Variants in PCDH9 observed in about 807,000 individuals in gnomAD.
PCDH9 encodes protocadherin 9.
In PCDH9, 24 loss-of-function variants were observed where a neutral mutation model predicts 70.6. The observed-to-expected ratio is 0.34, with a 90% CI of 0.25 to 0.48. The LOEUF (loss-of-function observed/expected upper bound fraction) is 0.48, where lower values mean the gene tolerates loss of function less well. Among genes scored for constraint, PCDH9 ranks in the 20% least tolerant of loss-of-function variants. PCDH9 has a pLI of 0.99. For synonymous variants in PCDH9, 562 were observed against 558.5 expected, an observed-to-expected ratio of 1.01 and a Z score of -0.09; for missense variants, 1,281 against 1,503.6, an observed-to-expected ratio of 0.85 and a Z score of 2.45.
intron 4 of PCDH9, among the ~76,000 whole-genome samples, chr13:66,415,751 AT>A (rs66759956): frequency 1.1e-4 from 16 of 152,296 alleles, no homozygotes; most frequent in Admixed American, 3.9e-4. Flanking sequence ...AGAGAAAAAA[AT>A]CATAGGAAAA....
intron 2 of PCDH9, among the ~76,000 whole-genome samples, chr13:67,083,164 G>A (rs1308628644): frequency 1.3e-5 from 2 of 152,004 alleles, no homozygotes; most frequent in Admixed American, 1.3e-4. Flanking sequence ...GATATATTCT[G>A]CATCTCATTC....
At chr13:66,446,659 T>C (rs1958096257) in intron 4 of PCDH9, among the ~76,000 whole-genome samples, 2 of 152,022 alleles carry the variant, frequency 1.3e-5, no homozygotes, top group African/African-American at 2.4e-5. Context: ...TGGGCAATGA[T>C]TGGAGATGAA....
At chr13:66,935,607 A>G (rs1483115928) in intron 2 of PCDH9, among the ~76,000 whole-genome samples, 2 of 152,212 alleles carry the variant, frequency 1.3e-5, no homozygotes, top group African/African-American at 4.8e-5. Context: ...ATTACATAAT[A>G]GTTGTTCAAG....
chr13:66,587,874 A>C (rs1277393908), intron 4 of PCDH9, among the ~76,000 whole-genome samples: 1 of 152,068 alleles, frequency 6.6e-6, no homozygotes, highest in Non-Finnish European at 1.5e-5. Flanking sequence ...TATTGCCCAA[A>C]GAATCAAGAA....
intron 2 of PCDH9, among the ~76,000 whole-genome samples, chr13:66,945,675 T>G (rs1185943009): frequency 6.6e-6 from 1 of 152,180 alleles, no homozygotes; most frequent in Non-Finnish European, 1.5e-5. Flanking sequence ...ATTGTTGTAT[T>G]TGGACTCTTG....
chr13:66,961,721 A>G (rs1299709153), intron 2 of PCDH9, among the ~76,000 whole-genome samples: 1 of 152,228 alleles, frequency 6.6e-6, no homozygotes, highest in African/African-American at 2.4e-5. Context: ...ATTAAGAAAA[A>G]TCACATTAAT....
chr13:66,922,489 A>C (rs937397950), intron 2 of PCDH9, among the ~76,000 whole-genome samples: 3 of 151,394 alleles, frequency 2.0e-5, no homozygotes, highest in Admixed American at 1.3e-4. Context: ...TTTAATTTTC[A>C]CGATTCTACA....
chr13:67,209,831 G>A (rs1181628044), intron 2 of PCDH9: 1 of 151,972 alleles, frequency 6.6e-6, no homozygotes, highest in Non-Finnish European at 1.5e-5. Flanking sequence ...CTAATTTGCA[G>A]TTTGGTTTTT....
At chr13:66,423,657 A>G (rs1382868723) in intron 4 of PCDH9, among the ~76,000 whole-genome samples, 1 of 152,150 alleles carries the variant, frequency 6.6e-6, no homozygotes, top group African/African-American at 2.4e-5. Context: ...TCAATAAACT[A>G]GGTATTGAGG....
At chr13:66,559,835 C>T (rs9571598) in intron 4 of PCDH9, among the ~76,000 whole-genome samples, 1,299 of 89,332 alleles carry the variant, frequency 0.015, 4 homozygotes, top group Non-Finnish European at 0.021. Flanking sequence ...TATATATATA[C>T]ACACACACAC....
At chr13:66,872,865 C>T (rs1299160826) in intron 3 of PCDH9, among the ~76,000 whole-genome samples, 1 of 152,040 alleles carries the variant, frequency 6.6e-6, no homozygotes, top group Non-Finnish European at 1.5e-5. Flanking sequence ...TTTTGAGAAA[C>T]AATACCTGTA....
chr13:66,413,127 T>C (rs1353975456), intron 4 of PCDH9, among the ~76,000 whole-genome samples: 2 of 152,208 alleles, frequency 1.3e-5, no homozygotes, highest in Admixed American at 1.3e-4. Flanking sequence ...AAAATGCAAG[T>C]GCTTCTAATT....
intron 3 of PCDH9, among the ~76,000 whole-genome samples, chr13:66,741,894 T>C (rs1432147941): frequency 6.7e-6 from 1 of 148,300 alleles, no homozygotes; most frequent in African/African-American, 2.6e-5. Context: ...GAAGAATCAA[T>C]ATCGTGAAAA....
intron 4 of PCDH9, among the ~76,000 whole-genome samples, chr13:66,495,982 C>T (rs905737903): frequency 5.9e-5 from 9 of 152,140 alleles, no homozygotes; most frequent in African/African-American, 2.2e-4. Flanking sequence ...ATGTGATGTG[C>T]TTTACTTGTT....
intron 2 of PCDH9, among the ~76,000 whole-genome samples, chr13:67,049,485 C>A (rs1488941507): frequency 6.6e-6 from 1 of 152,160 alleles, no homozygotes; most frequent in Non-Finnish European, 1.5e-5. Flanking sequence ...TCTCAAGGGG[C>A]AGATTATTAT....
At chr13:66,450,886 C>T (rs192717813) in intron 4 of PCDH9, among the ~76,000 whole-genome samples, 2 of 151,980 alleles carry the variant, frequency 1.3e-5, no homozygotes, top group African/African-American at 2.4e-5. Context: ...GGCGTGGTGG[C>T]GGCCCCTGTA....
At position 66,654,785 on chromosome 13, in the gene PCDH9, G is replaced by T. The variant is rs905992743; in HGVS notation, c.3139-23374C>A. ...AGTGGCATGACGACCTCAGCTCACT[G>T]CAGCCTTTGACCTCTTGAGTTCAAG... is the stretch of plus-strand genomic sequence containing the variant. On this transcript the variant is annotated intron_variant, in intron 3 of 4. Coordinates refer to ENST00000377865, the MANE Select transcript of PCDH9 (RefSeq NM_203487.3). Among the ~76,000 whole-genome samples, 57 of 152,146 alleles carry T rather than the reference G, an allele frequency of 3.7e-4. 1 individual carries two copies. The highest frequency in any genetic ancestry group is 7.4e-5 in the Non-Finnish European group (5 of 68,022).
At chr13:66,665,352 C>A (rs1566491451) in intron 3 of PCDH9, among the ~76,000 whole-genome samples, 1 of 152,112 alleles carries the variant, frequency 6.6e-6, no homozygotes, top group Non-Finnish European at 1.5e-5. Context: ...ACCGCCTCGG[C>A]CTCCCAAAGT....
chr13:66,387,356 T>C (rs769664523), intron 4 of PCDH9, among the ~76,000 whole-genome samples: 1 of 151,872 alleles, frequency 6.6e-6, no homozygotes, highest in Non-Finnish European at 1.5e-5. Flanking sequence ...CTCAAGTAGG[T>C]TTACTCTCTG....
Sources: allele counts gnomAD v4.1 joint callset (sites outside exome capture counted in the v4.1 genomes callset), GRCh38; gene constraint gnomAD v4.1.1; transcripts MANE v1.5; gene names NCBI Gene and HGNC (gene_info 2026-07-23, HGNC 2026-07-21).